The following BBX variants were observed in gnomAD, a reference collection of about 807,000 sequenced individuals.
The protein encoded by BBX is BBX high mobility group box domain containing.
A neutral mutation model predicts 100.2 loss-of-function variants in BBX; 30 were observed. That is an observed-to-expected ratio of 0.30 (90% CI 0.22 to 0.41). The LOEUF is 0.41. Ranked by LOEUF, BBX falls within the 10% of genes least tolerant of loss-of-function variation. BBX has a pLI of 1.00. For synonymous variants in BBX, 376 were observed against 388.1 expected, an observed-to-expected ratio of 0.97 and a Z score of 0.37; for missense variants, 1,023 against 1,129.8, an observed-to-expected ratio of 0.91 and a Z score of 1.35.
intron 3 of BBX, among the ~76,000 whole-genome samples, chr3:107,694,576 GT>G (rs2060436919): frequency 6.8e-6 from 1 of 147,292 alleles, no homozygotes; most frequent in South Asian, 2.2e-4. Context: ...GCTTTTTGAT[GT>G]GCTGCTGGAT....
chr3:107,686,229 C>CT (rs1350686999), intron 3 of BBX, among the ~76,000 whole-genome samples: 249 of 152,218 alleles, frequency 1.6e-3, no homozygotes, highest in Non-Finnish European at 2.4e-3. Context: ...TGTGGATTCA[C>CT]TTTTACAGAT....
At position 107,563,848 on chromosome 3, in the gene BBX, TGAGTGAATAAAA is replaced by T. The variant is rs1177730233; in HGVS notation, c.-84+37454_-84+37465del. Among the ~76,000 whole-genome samples, 5 of 152,326 alleles carry T rather than the reference TGAGTGAATAAAA, an allele frequency of 3.3e-5. No individual in the cohort carries two copies. In the East Asian group the frequency reaches 9.6e-4, roughly 29 times the overall value. On this transcript the variant is annotated intron_variant, in intron 2 of 17. Transcript: ENST00000325805. ...TCAGCAAATGTTTGTGTTTGGATAC[TGAGTGAATAAAA>T]GAGCACATTTTCTCGACTTTCATTC...
chr3:107,625,300 CAG>C (rs911314778), intron 2 of BBX, among the ~76,000 whole-genome samples: 16 of 151,922 alleles, frequency 1.1e-4, no homozygotes, highest in African/African-American at 3.9e-4. Context: ...TTTTTTGGGA[CAG>C]AGTCTCACTC....
At chr3:107,573,555 G>A (rs1365088820) in intron 2 of BBX, among the ~76,000 whole-genome samples, 25 of 151,824 alleles carry the variant, frequency 1.6e-4, no homozygotes, top group Admixed American at 1.4e-3. Context: ...GTGAGACTCC[G>A]TCTCAAAACA....
intron 3 of BBX, among the ~76,000 whole-genome samples, chr3:107,674,140 A>T (rs1427603247): frequency 1.3e-5 from 2 of 152,170 alleles, no homozygotes; most frequent in African/African-American, 4.8e-5. Flanking sequence ...AGTCCCTTAA[A>T]AATTGGAAAT....
chr3:107,737,884 G>GTTTTTTTT (rs1156396951), intron 7 of BBX, among the ~76,000 whole-genome samples: 536 of 48,782 alleles, frequency 0.011, 55 homozygotes, highest in Non-Finnish European at 0.012. Flanking sequence ...CAGAGTTCCA[G>GTTTTTTTT]TTTTTTTTTT....
intron 15 of BBX, among the ~76,000 whole-genome samples, chr3:107,797,364 AGC>A (rs1576862405): frequency 3.4e-3 from 377 of 109,308 alleles, no homozygotes; most frequent in Non-Finnish European, 3.7e-3. Context: ...ATATATATAT[AGC>A]TTTATTGCCA....
At chr3:107,634,017 G>C (rs1158731791) in intron 2 of BBX, among the ~76,000 whole-genome samples, 2 of 152,156 alleles carry the variant, frequency 1.3e-5, no homozygotes, top group African/African-American at 4.8e-5. Context: ...CACAGTGTTG[G>C]CTCATATTAC....
intron 1 of BBX, among the ~76,000 whole-genome samples, chr3:107,525,101 C>T (rs1291188973): frequency 3.3e-5 from 5 of 149,676 alleles, no homozygotes; most frequent in Non-Finnish European, 6.0e-5. Context: ...GCCGCCACCT[C>T]TGCTCGCGCG....
intron 2 of BBX, among the ~76,000 whole-genome samples, chr3:107,544,973 G>A (rs998070978): frequency 3.3e-5 from 5 of 151,540 alleles, no homozygotes; most frequent in African/African-American, 7.3e-5. Context: ...GCCGAGATCC[G>A]CCATTGTACT....
intron 2 of BBX, among the ~76,000 whole-genome samples, chr3:107,640,510 A>G (rs537005503): frequency 6.6e-6 from 1 of 151,922 alleles, no homozygotes; most frequent in African/African-American, 2.4e-5. Flanking sequence ...ATCCCCTGGT[A>G]TATTCTAACT....
chr3:107,730,633 G>A (rs1360536711), intron 6 of BBX, among the ~76,000 whole-genome samples: 1 of 152,066 alleles, frequency 6.6e-6, no homozygotes, highest in Non-Finnish European at 1.5e-5. Flanking sequence ...CAAATTGAAA[G>A]TCGAACCCAC....
At chr3:107,612,754 C>G (rs1202377294) in intron 2 of BBX, among the ~76,000 whole-genome samples, 1 of 152,166 alleles carries the variant, frequency 6.6e-6, no homozygotes, top group Non-Finnish European at 1.5e-5. Flanking sequence ...TGTCTACTGC[C>G]TATGTTTGCT....
At chr3:107,775,498 G>A (rs9871235) in intron 12 of BBX, among the ~76,000 whole-genome samples, 98,501 of 151,988 alleles carry the variant, frequency 0.65, 32,366 homozygotes, top group East Asian at 0.93. Context: ...TTGTTAGTTA[G>A]GAGATCCAAT....
chr3:107,535,150 G>A (rs905750745), intron 2 of BBX, among the ~76,000 whole-genome samples: 42 of 152,184 alleles, frequency 2.8e-4, no homozygotes, highest in African/African-American at 9.4e-4. Flanking sequence ...ACAATCTCCT[G>A]AGGCTTTTTC....
At chr3:107,584,487 C>T (rs1051085063) in intron 2 of BBX, among the ~76,000 whole-genome samples, 5 of 149,810 alleles carry the variant, frequency 3.3e-5, no homozygotes, top group South Asian at 2.1e-4. Flanking sequence ...TAGCCCCTAA[C>T]GTTACACTGT....
intron 2 of BBX, among the ~76,000 whole-genome samples, chr3:107,638,105 G>T (rs2056958605): frequency 6.6e-6 from 1 of 152,034 alleles, no homozygotes; most frequent in African/African-American, 2.4e-5. Context: ...ATCTGTACAG[G>T]CAGGTCTCAC....
chr3:107,713,068 C>T (rs1377356149), intron 4 of BBX, among the ~76,000 whole-genome samples: 1 of 152,186 alleles, frequency 6.6e-6, no homozygotes, highest in Non-Finnish European at 1.5e-5. Flanking sequence ...TTTCTACTCT[C>T]CACCTGGCTG....
chr3:107,798,794 T>C (rs2070041604), intron 16 of BBX, 74 bp downstream of exon 16: 1 of 1,415,066 alleles, frequency 7.1e-7, no homozygotes, highest in East Asian at 2.3e-5. Context: ...AGAAGAATTG[T>C]CTTGAGCCAC....
Sources: allele counts gnomAD v4.1 joint callset (sites outside exome capture counted in the v4.1 genomes callset), GRCh38; gene constraint gnomAD v4.1.1; transcripts MANE v1.5; gene names NCBI Gene and HGNC (gene_info 2026-07-23, HGNC 2026-07-21).